The following IGSF10 variants were observed in gnomAD, a reference collection of about 807,000 sequenced individuals.
The protein encoded by IGSF10 is calvaria mechanical force protein 608.
A neutral mutation model predicts 128.2 loss-of-function variants in IGSF10; 126 were observed. The observed-to-expected ratio is 0.98, with a 90% confidence interval of 0.85 to 1.14. IGSF10 has a LOEUF of 1.14. Among genes scored for constraint, IGSF10 ranks in the 50% most tolerant of loss-of-function variants. The probability of loss-of-function intolerance (pLI) is 0.00; values close to 1 mark genes in which losing one functional copy is unlikely to be tolerated. For synonymous variants in IGSF10, 1,185 were observed against 1,146.2 expected, an observed-to-expected ratio of 1.03 and a Z score of -0.68; for missense variants, 3,295 against 3,149.8, an observed-to-expected ratio of 1.05 and a Z score of -1.10.
chr3:151,500,022 T>C, the IGSF10 span, among the ~76,000 whole-genome samples: 1 of 152,162 alleles, frequency 6.6e-6, no homozygotes, highest in Non-Finnish European at 1.5e-5. Context: ...AATTACACTA[T>C]TGTCATAAAA....
At chr3:151,612,860 A>G in the IGSF10 span, among the ~76,000 whole-genome samples, 1 of 152,198 alleles carries the variant, frequency 6.6e-6, no homozygotes, top group East Asian at 1.9e-4. Context: ...AAAGCTCAAC[A>G]CAACTGATCA....
chr3:151,437,368 A>ATGAT lies in IGSF10; in HGVS notation c.7189_7192dup (p.Ile2398AsnfsTer4). The ATGAT allele has an allele frequency of 6.2e-7, 1 of 1,614,220 alleles. No homozygotes were observed. The highest frequency in any genetic ancestry group is 8.5e-7 in the Non-Finnish European group (1 of 1,180,032). ...TGCATCCTCCCGAGTTGTTTTAGAA[A>ATGAT]TGATAAAAGAACCATTGCTTGCTAT... is the stretch of plus-strand genomic sequence containing the variant. On this transcript the variant is annotated frameshift_variant, in exon 8 of 8. Transcript: ENST00000282466. LOFTEE classifies it low-confidence loss of function (END_TRUNC).
At chr3:151,528,800 G>GTT in the IGSF10 span, among the ~76,000 whole-genome samples, 2,051 of 146,268 alleles carry the variant, frequency 0.014, 20 homozygotes, top group Middle Eastern at 0.028. Flanking sequence ...AGCTGCAGGA[G>GTT]TTTTTTTTTT....
the IGSF10 span, among the ~76,000 whole-genome samples, chr3:151,558,027 A>ATTATATATATATAATATATATATATAT: frequency 0.48 from 24,804 of 51,746 alleles, 8,006 homozygotes; most frequent in South Asian, 0.58. Context: ...TAATATATAT[A>ATTATATATATATAATATATATATATAT]TTGGTACAAT....
chr3:151,520,872 A>T, the IGSF10 span, among the ~76,000 whole-genome samples: 5 of 151,916 alleles, frequency 3.3e-5, no homozygotes, highest in Non-Finnish European at 5.9e-5. Context: ...AAATCCACAC[A>T]TATCAATACT....
At chr3:151,538,522 G>A in the IGSF10 span, among the ~76,000 whole-genome samples, 1 of 152,100 alleles carries the variant, frequency 6.6e-6, no homozygotes, top group African/African-American at 2.4e-5. Flanking sequence ...AATGAGAAAT[G>A]TAAGTCTTCG....
the IGSF10 span, among the ~76,000 whole-genome samples, chr3:151,472,954 C>T: frequency 6.6e-6 from 1 of 152,184 alleles, no homozygotes; most frequent in Non-Finnish European, 1.5e-5. Context: ...CGTCTCACAA[C>T]TCAAAAGGAC....
chr3:151,541,613 TTC>T, the IGSF10 span, among the ~76,000 whole-genome samples: 177 of 152,216 alleles, frequency 1.2e-3, 1 homozygote, highest in African/African-American at 4.0e-3. Flanking sequence ...ATAAATTGGC[TTC>T]TCTCTCTCTG....
At chr3:151,497,244 C>T in the IGSF10 span, among the ~76,000 whole-genome samples, 4 of 152,116 alleles carry the variant, frequency 2.6e-5, no homozygotes, top group African/African-American at 9.7e-5. Flanking sequence ...ACATGAAGTC[C>T]TAGCCCATGC....
the IGSF10 span, among the ~76,000 whole-genome samples, chr3:151,537,313 C>A: frequency 6.6e-6 from 1 of 152,136 alleles, no homozygotes; most frequent in African/African-American, 2.4e-5. Flanking sequence ...CAAAGGTAGA[C>A]AGATGCTCAA....
chr3:151,450,895 C>CA (rs35070766), intron 5 of IGSF10, among the ~76,000 whole-genome samples: 22,036 of 55,550 alleles, frequency 0.4, 5,098 homozygotes, highest in African/African-American at 0.61. Flanking sequence ...AACTCTGTCT[C>CA]AAAAAAAAAA....
chr3:151,494,087 T>G, the IGSF10 span, among the ~76,000 whole-genome samples: 2 of 152,028 alleles, frequency 1.3e-5, no homozygotes, highest in Non-Finnish European at 2.9e-5. Flanking sequence ...TAAGAAACAT[T>G]GAGAAATTTC....
At chr3:151,598,070 G>GGGGTGTGT in the IGSF10 span, among the ~76,000 whole-genome samples, 1 of 137,686 alleles carries the variant, frequency 7.3e-6, no homozygotes, top group East Asian at 2.1e-4. Flanking sequence ...AATGAGTACT[G>GGGGTGTGT]GTGTGTGTGT....
the IGSF10 span, among the ~76,000 whole-genome samples, chr3:151,618,439 C>T: frequency 6.6e-6 from 1 of 152,100 alleles, no homozygotes; most frequent in South Asian, 2.1e-4. Flanking sequence ...TTTAAAATGT[C>T]TATACTGTTT....
At chr3:151,496,196 G>A in the IGSF10 span, among the ~76,000 whole-genome samples, 1 of 126,100 alleles carries the variant, frequency 7.9e-6, no homozygotes, top group East Asian at 2.4e-4. Flanking sequence ...CAGAAGCTCT[G>A]AAGCAGTATT....
At position 151,447,711 on chromosome 3, in the gene IGSF10, G is replaced by A. The variant is rs369529396; in HGVS notation, c.2270C>T (p.Ala757Val). Residue 757 changes from alanine (A) to valine (V), a missense_variant, in exon 6 of 8, where the codon GCG becomes GTG. Transcript: ENST00000282466. ...SARRIDPQHW[A>V]ALLEKAKKNA... ...CTTTTTAGCTTTCTCCAACAGTGCCGCCCAATGTTGTGGGTCAATTCTCCT... is the reference window on the plus strand; with the variant it reads ...CTTTTTAGCTTTCTCCAACAGTGCCACCCAATGTTGTGGGTCAATTCTCCT... 4.9e-5 allele frequency: 79 copies of A among 1,613,982 alleles called. No individual in the cohort carries two copies. Among genetic ancestry groups the A allele is most frequent in the Non-Finnish European group, 6.2e-5 (73 of 1,180,022 alleles).
chr3:151,523,502 G>GA, the IGSF10 span, among the ~76,000 whole-genome samples: 1 of 152,054 alleles, frequency 6.6e-6, no homozygotes, highest in African/African-American at 2.4e-5. Context: ...AGCAAGCCCA[G>GA]AAATAAAGCC....
At chr3:151,501,654 G>C in the IGSF10 span, among the ~76,000 whole-genome samples, 2 of 151,962 alleles carry the variant, frequency 1.3e-5, no homozygotes, top group South Asian at 2.1e-4. Context: ...GTGAAATGTT[G>C]ATACAGAATT....
rs763470705 is a variant in IGSF10, at chr3:151,458,582, C to A, written c.128G>T (p.Cys43Phe). Residue 43 changes from cysteine (C) to phenylalanine (F), a missense_variant, in exon 3 of 8, where the codon TGC becomes TTC. Transcript: ENST00000282466. ...CACYMPTEVH[C>F]TFRYLTSIPD... is the part of the protein sequence containing the mutation. ...GATGGAAGTCAGGTACCGAAATGTG[C>A]AGTGTACCTCCGTAGGCATATAACA... 6.2e-7 allele frequency: 1 copy of A among 1,614,104 alleles called. No homozygotes were observed. The highest frequency in any genetic ancestry group is 8.5e-7 in the Non-Finnish European group (1 of 1,180,012).
Sources: gnomAD v4.1 joint callset for allele counts (sites outside exome capture counted in the v4.1 genomes callset) on GRCh38, gnomAD v4.1.1 for gene constraint, MANE v1.5 for transcripts, NCBI Gene and HGNC (gene_info 2026-07-23, HGNC 2026-07-21) for gene names.